Variants in EFCAB13 observed in about 807,000 individuals in gnomAD.
The protein encoded by EFCAB13 is EF-hand calcium binding domain 13.
A neutral mutation model predicts 110.2 loss-of-function variants in EFCAB13; 91 were observed. That is an observed-to-expected ratio of 0.83 (90% CI 0.70 to 0.98). EFCAB13 has a LOEUF of 0.98. Ranked by LOEUF, EFCAB13 falls within the 50% of genes least tolerant of loss-of-function variation. EFCAB13 has a pLI of 0.00. For synonymous variants in EFCAB13, 323 were observed against 369.9 expected (o/e 0.87, Z 1.45); for missense variants, 968 against 1,119.4 (o/e 0.86, Z 1.93).
At chr17:47,435,165 A>G (rs1425448145) in intron 24 of EFCAB13, among the ~76,000 whole-genome samples, 2 of 152,330 alleles carry the variant, frequency 1.3e-5, no homozygotes, top group South Asian at 2.1e-4. Flanking sequence ...AAGAATCTAC[A>G]AAGAACTCAA....
chr17:47,386,145 G>C (rs1237049887), intron 14 of EFCAB13, among the ~76,000 whole-genome samples: 1 of 152,226 alleles, frequency 6.6e-6, no homozygotes, highest in Admixed American at 6.5e-5. Flanking sequence ...CCTTAGCAGA[G>C]CTCAAGCGCT....
chr17:47,391,765 C>T (rs2065709345), intron 15 of EFCAB13, among the ~76,000 whole-genome samples, 185 bp downstream of exon 15: 2 of 151,416 alleles, frequency 1.3e-5, no homozygotes, highest in South Asian at 4.2e-4. Context: ...TAGGAATAAC[C>T]AGTATTAATA....
intron 14 of EFCAB13, among the ~76,000 whole-genome samples, chr17:47,387,061 G>A (rs2143398447): frequency 6.6e-6 from 1 of 152,266 alleles, no homozygotes; most frequent in Non-Finnish European, 1.5e-5. Context: ...GCTGGGAGCT[G>A]CAGACCGGAG....
chr17:47,355,135 GA>G (rs1329477544), intron 9 of EFCAB13, among the ~76,000 whole-genome samples: 3 of 152,172 alleles, frequency 2.0e-5, no homozygotes, highest in Admixed American at 1.3e-4. Context: ...CTTCATTTAT[GA>G]AGCTCAGTTT....
At chr17:47,410,844 TATC>T (rs2065830566) in intron 21 of EFCAB13, among the ~76,000 whole-genome samples, 1 of 152,260 alleles carries the variant, frequency 6.6e-6, no homozygotes, top group Non-Finnish European at 1.5e-5. Flanking sequence ...TAGAAAAGCC[TATC>T]ATCAGTGGCT....
At chr17:47,413,168 C>T (rs573883669) in intron 22 of EFCAB13, among the ~76,000 whole-genome samples, 9 of 152,158 alleles carry the variant, frequency 5.9e-5, no homozygotes, top group African/African-American at 1.7e-4. Context: ...TGGAAAAATA[C>T]CATAAATTGT....
chr17:47,391,665 AT>A (rs146911542), intron 15 of EFCAB13, 85 bp downstream of exon 15: 62,780 of 1,221,224 alleles, frequency 0.051, 2,024 homozygotes, highest in East Asian at 0.11. Context: ...AAAATGACTA[AT>A]TTTTTTATTA....
intron 5 of EFCAB13, among the ~76,000 whole-genome samples, chr17:47,338,495 C>T (rs2065364518): frequency 6.6e-6 from 1 of 151,908 alleles, no homozygotes; most frequent in South Asian, 2.1e-4. Flanking sequence ...AGCAGTCCTG[C>T]CACTTTGGCC....
At position 47,349,384 on chromosome 17, in the gene EFCAB13, A is replaced by T. The variant is rs550890820; in HGVS notation, c.661+1433A>T. Reference sequence around the variant, plus strand: ...AATTCATAGTTATTTAACTTGAAGAATCTTGAAGAACTACAAATATAAAAA... The same window carrying T: ...AATTCATAGTTATTTAACTTGAAGATTCTTGAAGAACTACAAATATAAAAA... On this transcript the variant is annotated intron_variant, in intron 9 of 24. Transcript: ENST00000331493. Among the ~76,000 whole-genome samples the T allele has an allele frequency of 3.9e-4, 59 of 152,346 alleles. 1 individual carries two copies. The highest frequency in any genetic ancestry group is 1.3e-3 in the African/African-American group (55 of 41,584).
intron 10 of EFCAB13, among the ~76,000 whole-genome samples, chr17:47,364,591 G>A (rs147258629): frequency 1.8e-3 from 277 of 152,246 alleles, no homozygotes; most frequent in African/African-American, 6.0e-3. Flanking sequence ...GATTACAGAC[G>A]TGATCTATTT....
chr17:47,352,214 C>CT (rs1215191791), intron 9 of EFCAB13, among the ~76,000 whole-genome samples: 3 of 151,882 alleles, frequency 2.0e-5, no homozygotes, highest in Non-Finnish European at 4.4e-5. Flanking sequence ...ATCTAGTATT[C>CT]TTAAAGCTTC....
Position 47,404,032 on chromosome 17 carries a change from T to TCTCTCTGGTAAGC in EFCAB13, c.2161+11_2161+12insCTCTCTGGTAAGC. On this transcript the variant is annotated intron_variant, in intron 19 of 24. Transcript: ENST00000331493. ...CAGATTTTGTTTCTGGTAAGCATTT[T>TCTCTCTGGTAAGC]AAATATTACTCTCAGGTTTTTTTTT... 6.3e-7 allele frequency: 1 copy of TCTCTCTGGTAAGC among 1,577,556 alleles called. No individual in the cohort carries two copies. Among genetic ancestry groups the TCTCTCTGGTAAGC allele is most frequent in the Non-Finnish European group, 8.6e-7 (1 of 1,165,204 alleles).
At chr17:47,376,886 C>T (rs2065618395) in intron 12 of EFCAB13, among the ~76,000 whole-genome samples, 1 of 152,162 alleles carries the variant, frequency 6.6e-6, no homozygotes, top group Non-Finnish European at 1.5e-5. Flanking sequence ...TAATACTCTT[C>T]ATTTTGGATT....
intron 9 of EFCAB13, among the ~76,000 whole-genome samples, chr17:47,359,631 T>A (rs951293528): frequency 2.7e-5 from 4 of 150,570 alleles, no homozygotes; most frequent in Admixed American, 6.7e-5. Context: ...ATTTTTTTTT[T>A]ATTATTATTA....
intron 5 of EFCAB13, among the ~76,000 whole-genome samples, chr17:47,338,779 T>A (rs2065366850): frequency 6.6e-6 from 1 of 152,046 alleles, no homozygotes; most frequent in Non-Finnish European, 1.5e-5. Flanking sequence ...ATATGGCAGC[T>A]TCAGGGAAGT....
intron 23 of EFCAB13, among the ~76,000 whole-genome samples, chr17:47,423,708 G>GACCCGCGGGCGCCGGC (rs1904812183): frequency 6.6e-6 from 1 of 151,594 alleles, no homozygotes; most frequent in South Asian, 2.1e-4. Flanking sequence ...GGGGCGCCGG[G>GACCCGCGGGCGCCGGC]ACCCGCGGGC....
chr17:47,397,701 G>A (rs1355217917), intron 17 of EFCAB13, among the ~76,000 whole-genome samples: 5 of 151,242 alleles, frequency 3.3e-5, no homozygotes, highest in Admixed American at 1.3e-4. Flanking sequence ...CTACCCGGCC[G>A]CGACCCCATC....
At chr17:47,419,709 T>TA (rs1352411504) in intron 23 of EFCAB13, among the ~76,000 whole-genome samples, 3 of 152,204 alleles carry the variant, frequency 2.0e-5, no homozygotes, top group Non-Finnish European at 2.9e-5. Context: ...GTTCAGGAGT[T>TA]ACAGTGCTGG....
At chr17:47,424,872 A>ATTTTTTTTTTTTTTTTTTTTTT (rs1459453287) in intron 23 of EFCAB13, among the ~76,000 whole-genome samples, 3 of 68,340 alleles carry the variant, frequency 4.4e-5, no homozygotes, top group Non-Finnish European at 8.6e-5. Flanking sequence ...CCGGTTGACA[A>ATTTTTTTTTTTTTTTTTTTTTT]TCTTTTTTTT....
Sources: allele counts gnomAD v4.1 joint callset (sites outside exome capture counted in the v4.1 genomes callset), GRCh38; gene constraint gnomAD v4.1.1; transcripts MANE v1.5; gene names NCBI Gene and HGNC (gene_info 2026-07-23, HGNC 2026-07-21).